Variants in GRK6 observed in about 807,000 individuals in gnomAD.
GRK6 encodes G protein-coupled receptor kinase 6.
GRK6 carries 37 observed loss-of-function variants against 80.8 expected under a neutral mutation model. The observed-to-expected ratio is 0.46, with a 90% CI of 0.35 to 0.60. The LOEUF (loss-of-function observed/expected upper bound fraction) is 0.60. GRK6 is among the 20% of genes least tolerant of loss of function. GRK6 has a pLI of 0.00. For missense variants in GRK6, 560 were observed against 784.6 expected (o/e 0.71, Z 3.42); for synonymous variants, 295 against 320.9 (o/e 0.92, Z 0.86).
At position 177,433,158 on chromosome 5, in the gene GRK6, A is replaced by G. The variant is rs771503581; in HGVS notation, c.452A>G (p.Glu151Gly). The G allele has an allele frequency of 5.0e-6, 8 of 1,613,868 alleles. No homozygotes were observed. The highest frequency in any genetic ancestry group is 6.8e-6 in the Non-Finnish European group (8 of 1,179,954). The part of the protein sequence containing the change: ...LFQELTRLTH[E>G]YLSVAPFADY... ...CCTTTCCTCAACAGGCTGACCCACG[A>G]GTACCTGAGCGTGGCCCCTTTTGCC... is the stretch of plus-strand genomic sequence containing the variant. The change falls in exon 6 of 16, where the codon GAG (glutamate) becomes GGG (glycine). Residue 151 changes from glutamate to glycine, a missense_variant. Physicochemically the swap from Glu to Gly is moderately conservative, Grantham distance 98 (BLOSUM62 -2). Around this residue, in one of 3 missense-constraint regions of GRK6, gnomAD observed 189 missense variants for 230.2 expected, o/e 0.82. Transcript: ENST00000355472.
chr5:177,426,911 G>A lies in GRK6; in HGVS notation c.52+14G>A. 1 of 1,370,562 alleles carries A rather than the reference G, an allele frequency of 7.3e-7. No individual in the cohort carries two copies. The highest frequency in any genetic ancestry group is 9.5e-7 in the Non-Finnish European group (1 of 1,056,426). The allele number at this position is 1,370,562 out of a possible 1,614,324, so 84.9% of individuals were successfully genotyped here. A position where few individuals can be genotyped will look rare whatever the true frequency, so the allele number is the denominator to read the frequency against. On this transcript the variant is annotated intron_variant, in intron 1 of 15. Coordinates refer to ENST00000355472, the MANE Select transcript of GRK6 (RefSeq NM_001004106.3). ...AGGCCCGGGAAGGTGAGGCGGCCGGGTGGGCGGCCGGGCCCGGGTGCGTGG... is the reference window on the plus strand; with the variant it reads ...AGGCCCGGGAAGGTGAGGCGGCCGGATGGGCGGCCGGGCCCGGGTGCGTGG...
chr5:177,437,487 T>C (rs903308637), intron 13 of GRK6, among the ~76,000 whole-genome samples: 2 of 152,170 alleles, frequency 1.3e-5, no homozygotes, highest in African/African-American at 4.8e-5. Flanking sequence ...CTTTTCCTTA[T>C]GGAGTCTCAC....
chr5:177,426,386 TC>T (rs1168025392), upstream of GRK6: 2 of 152,344 alleles, frequency 1.3e-5, no homozygotes, highest in East Asian at 3.9e-4. Context: ...ACCTCCATTG[TC>T]CCGGCTGAGG....
In GRK6 at chr5:177,436,377, C is replaced by T. The variant is rs761395092; in HGVS notation, c.1267-16C>T. On this transcript the variant is annotated splice_polypyrimidine_tract_variant and intron_variant, in intron 12 of 15. Coordinates refer to ENST00000355472, the MANE Select transcript of GRK6 (RefSeq NM_001004106.3). ...TCACCTGCCTGGCCTGCCTGGCCGA[C>T]TCACCCCTGCCACAGCTCCTCTGCA... 1.2e-6 allele frequency: 2 copies of T among 1,609,464 alleles called. No homozygotes were observed. Among genetic ancestry groups the T allele is most frequent in the South Asian group, 1.1e-5 (1 of 90,866 alleles).
At chr5:177,432,369 G>C in intron 4 of GRK6, 59 bp downstream of exon 4, 1 of 1,505,894 alleles carries the variant, frequency 6.6e-7, no homozygotes, top group Non-Finnish European at 9.2e-7. Flanking sequence ...TCAGGCACAG[G>C]AGTGACCACA....
At chr5:177,430,195 G>A (rs997704765) in intron 1 of GRK6, among the ~76,000 whole-genome samples, 1 of 152,168 alleles carries the variant, frequency 6.6e-6, no homozygotes, top group Admixed American at 6.5e-5. Context: ...AGAGGCCTTC[G>A]CTGTTCCTGG....
At chr5:177,438,164 T>G (rs1396991747) in intron 13 of GRK6, among the ~76,000 whole-genome samples, 1 of 152,062 alleles carries the variant, frequency 6.6e-6, no homozygotes, top group Non-Finnish European at 1.5e-5. Flanking sequence ...GGTTGGGAGT[T>G]CGAAGACCAG....
chr5:177,433,811 C>T (rs1764017025), intron 8 of GRK6, 103 bp from the exon 9 acceptor site: 3 of 1,490,896 alleles, frequency 2.0e-6, no homozygotes, highest in Admixed American at 4.3e-5. Flanking sequence ...GCTTGGGGAG[C>T]AGGCTGGGCC....
At chr5:177,435,189 C>A in intron 11 of GRK6, 68 bp downstream of exon 11, 2 of 1,172,504 alleles carry the variant, frequency 1.7e-6, no homozygotes, top group Non-Finnish European at 2.4e-6. Flanking sequence ...CAGCCACACC[C>A]ACTTCTGTCT....
intron 2 of GRK6, 140 bp downstream of exon 2, chr5:177,431,107 C>A: frequency 1.5e-6 from 1 of 672,088 alleles, no homozygotes. Flanking sequence ...CTGCACCATT[C>A]AGCCCAGTTT....
chr5:177,440,621 C>A, intron 13 of GRK6, 79 bp from the exon 14 acceptor site: 3 of 1,554,912 alleles, frequency 1.9e-6, no homozygotes, highest in South Asian at 2.3e-5. Context: ...GGCCAAGACC[C>A]GAGGCAGAAT....
rs1017439115 is a variant in GRK6, at chr5:177,441,670, G to A, written c.1678-67G>A. The A allele has an allele frequency of 6.8e-6, 9 of 1,320,850 alleles. No homozygotes were observed. In the East Asian group the frequency reaches 6.9e-5, roughly 10 times the overall value. The allele number at this position is 1,320,850 out of a possible 1,614,324, so 81.8% of individuals were successfully genotyped here. The stretch of plus-strand genomic sequence containing the variant: ...CCTGGCAGGGTCGGCCCCATGTGAC[G>A]TCCCTCGTGGTTAATGGCACCTGCT... On this transcript the variant is annotated intron_variant, in intron 15 of 15. Coordinates refer to ENST00000355472, the MANE Select transcript of GRK6 (RefSeq NM_001004106.3).
chr5:177,436,557 G>A (rs1764168744), intron 13 of GRK6, 27 bp downstream of exon 13: 1 of 1,537,132 alleles, frequency 6.5e-7, no homozygotes, highest in East Asian at 2.3e-5. Context: ...CCTGCTGAGG[G>A]CGGGGCCCAG....
chr5:177,436,334 T>TTGCCCC, intron 12 of GRK6, 53 bp downstream of exon 12: 8 of 1,556,002 alleles, frequency 5.1e-6, no homozygotes, highest in South Asian at 1.1e-5. Context: ...GATGCACCTT[T>TTGCCCC]CCCTCCCTCC....
Position 177,430,933 on chromosome 5 carries a change from C to G in GRK6, c.114C>G (p.His38Gln). The G allele has an allele frequency of 6.2e-7, 1 of 1,613,974 alleles. No homozygotes were observed. Residue 38 changes from histidine to glutamine, a missense_variant, in exon 2 of 16, where the codon CAC (histidine) becomes CAG (glutamine). Transcript: ENST00000355472. ...GGCGGCAGATGCTCCAGTTCCCTCA[C>G]ATCAGCCAGTGCGAAGAGCTGCGGC... ...KKWRQMLQFP[H>Q]ISQCEELRLS...
chr5:177,440,476 G>A (rs919031958), intron 13 of GRK6, among the ~76,000 whole-genome samples: 2 of 152,248 alleles, frequency 1.3e-5, no homozygotes, highest in African/African-American at 2.4e-5. Context: ...CACAGTCATT[G>A]AGCAGTGAGG....
intron 5 of GRK6, 137 bp from the exon 6 acceptor site, chr5:177,433,010 C>T: frequency 2.5e-6 from 2 of 809,144 alleles, no homozygotes; most frequent in African/African-American, 1.7e-5. Flanking sequence ...TCTCCCCGCT[C>T]AGGGGTTAGC....
chr5:177,426,944 G>A, intron 1 of GRK6, 47 bp downstream of exon 1: 1 of 1,245,524 alleles, frequency 8.0e-7, no homozygotes, highest in Non-Finnish European at 1.0e-6. Flanking sequence ...TGGAGCGCGA[G>A]TGCGCTGCGT....
At position 177,429,152 on chromosome 5, in the gene GRK6, T is replaced by C. The variant is rs1763784868; in HGVS notation, c.53-1720T>C. The stretch of plus-strand genomic sequence containing the variant: ...CCTCACTTCAGAATCTCAGTTTTCA[T>C]ATAAAATTGGGCCTGCTCTGGCAGA... On this transcript the variant is annotated intron_variant, in intron 1 of 15. Transcript: ENST00000355472. This position sits in a 1 kb window ranked among gnomAD's most constrained non-coding sequence, Gnocchi z 4.3. Among the ~76,000 whole-genome samples, 1 of 152,094 alleles carries C rather than the reference T, an allele frequency of 6.6e-6. No individual in the cohort carries two copies.
Sources: allele counts gnomAD v4.1 joint callset (sites outside exome capture counted in the v4.1 genomes callset), GRCh38; gene constraint gnomAD v4.1.1; regional missense constraint gnomAD v4.1.1; non-coding constraint Gnocchi (gnomAD v3.1); transcripts MANE v1.5; gene names NCBI Gene and HGNC (gene_info 2026-07-23, HGNC 2026-07-21).